The following TNFSF13B variants were observed in gnomAD, a reference collection of about 807,000 sequenced individuals.
The protein encoded by TNFSF13B is tumor necrosis factor ligand superfamily member 13B.
TNFSF13B carries 8 observed loss-of-function variants against 29.1 expected under a neutral mutation model. The ratio of observed to expected loss-of-function variants is 0.27; its 90% CI spans 0.16 to 0.50. TNFSF13B has a LOEUF of 0.50. Among genes scored for constraint, TNFSF13B ranks in the 20% least tolerant of loss-of-function variants. The pLI is 0.98. For missense variants in TNFSF13B, 248 were observed against 334.9 expected (o/e 0.74, Z 2.03); for synonymous variants, 125 against 130.8 (o/e 0.96, Z 0.30).
intron 5 of TNFSF13B, among the ~76,000 whole-genome samples, chr13:108,303,879 G>A (rs1300619569): frequency 1.3e-5 from 2 of 152,030 alleles, no homozygotes; most frequent in Non-Finnish European, 2.9e-5. Flanking sequence ...ATAATACATG[G>A]TACATAGTAC....
intron 3 of TNFSF13B, among the ~76,000 whole-genome samples, chr13:108,300,838 A>G (rs1305609171): frequency 6.6e-6 from 1 of 152,230 alleles, no homozygotes; most frequent in Non-Finnish European, 1.5e-5. Flanking sequence ...CAGGCCGACA[A>G]GAACATGTGC....
In TNFSF13B at chr13:108,303,313, A is replaced by G. The variant is rs1181994085; in HGVS notation, c.542A>G (p.Lys181Arg). ...SFKRGSALEEKENKILVKETG... is the reference protein window; with the variant it reads ...SFKRGSALEERENKILVKETG... Reference sequence around the variant, plus strand: ...AAAAGGGGAAGTGCCCTAGAAGAAAAAGAGAATAAAATATTGGTCAAAGAA... The same window carrying G: ...AAAAGGGGAAGTGCCCTAGAAGAAAGAGAGAATAAAATATTGGTCAAAGAA... Residue 181 changes from lysine (K) to arginine (R), a missense_variant, in exon 4 of 6, where the codon AAA becomes AGA. Physicochemically the swap from Lys to Arg is conservative, Grantham distance 26. This residue lies in a region of TNFSF13B where 62 missense variants were observed against 138.6 expected (regional missense o/e 0.45). Coordinates refer to ENST00000375887, the MANE Select transcript of TNFSF13B (RefSeq NM_006573.5). 1.2e-6 allele frequency: 2 copies of G among 1,613,582 alleles called. No homozygotes were observed. Among genetic ancestry groups the G allele is most frequent in the Non-Finnish European group, 1.7e-6 (2 of 1,179,728 alleles).
intron 3 of TNFSF13B, among the ~76,000 whole-genome samples, chr13:108,298,600 T>C (rs1566407721): frequency 1.4e-5 from 2 of 145,558 alleles, no homozygotes; most frequent in Admixed American, 6.8e-5. Context: ...AATATTATGT[T>C]GGCATTTCTG....
chr13:108,274,172 G>C (rs1409424752), intron 2 of TNFSF13B, among the ~76,000 whole-genome samples: 1 of 152,064 alleles, frequency 6.6e-6, no homozygotes. Flanking sequence ...ACAGTGGGCT[G>C]TTAGTAATTA....
At chr13:108,274,831 C>A (rs972437775) in intron 2 of TNFSF13B, among the ~76,000 whole-genome samples, 2 of 151,922 alleles carry the variant, frequency 1.3e-5, no homozygotes, top group Non-Finnish European at 2.9e-5. Flanking sequence ...TGTTTTAGAA[C>A]CAAGTATTTT....
chr13:108,284,303 T>C (rs931366207), intron 2 of TNFSF13B, among the ~76,000 whole-genome samples: 13 of 152,196 alleles, frequency 8.5e-5, no homozygotes, highest in East Asian at 1.9e-4. Context: ...CACTCCAGCC[T>C]GGGCGACAGA....
intron 3 of TNFSF13B, among the ~76,000 whole-genome samples, chr13:108,295,124 T>G (rs2139062848): frequency 6.9e-6 from 1 of 145,704 alleles, no homozygotes; most frequent in East Asian, 1.9e-4. Flanking sequence ...GCTCAATGAT[T>G]GTCATTTTTG....
At chr13:108,294,988 G>A (rs1383632620) in intron 3 of TNFSF13B, among the ~76,000 whole-genome samples, 2 of 144,446 alleles carry the variant, frequency 1.4e-5, no homozygotes, top group South Asian at 2.1e-4. Context: ...CTAATTTGTT[G>A]GAGTACAATT....
intron 3 of TNFSF13B, among the ~76,000 whole-genome samples, chr13:108,298,890 G>A (rs1350897932): frequency 1.4e-5 from 2 of 145,472 alleles, no homozygotes; most frequent in African/African-American, 5.2e-5. Flanking sequence ...AGAATCACTC[G>A]AACCCCAGAG....
intron 3 of TNFSF13B, among the ~76,000 whole-genome samples, chr13:108,298,490 AG>A (rs1455001559): frequency 2.7e-5 from 4 of 145,682 alleles, no homozygotes; most frequent in Admixed American, 2.7e-4. Context: ...GTAAACTTCA[AG>A]GAGGGTAAAG....
chr13:108,286,130 C>T (rs1881121653), intron 2 of TNFSF13B, among the ~76,000 whole-genome samples: 1 of 152,090 alleles, frequency 6.6e-6, no homozygotes, highest in African/African-American at 2.4e-5. Flanking sequence ...CTCTTTGGTC[C>T]AATATATTTT....
intron 3 of TNFSF13B, among the ~76,000 whole-genome samples, chr13:108,297,542 T>G (rs1478202444): frequency 6.9e-6 from 1 of 145,914 alleles, no homozygotes; most frequent in African/African-American, 2.6e-5. Context: ...TTTTTCAAAT[T>G]TTCTCTCTCT....
chr13:108,270,380 A>G lies in TNFSF13B; in HGVS notation c.380A>G (p.Gln127Arg). 1.2e-6 allele frequency: 2 copies of G among 1,614,156 alleles called. No homozygotes were observed. Among genetic ancestry groups the G allele is most frequent in the Non-Finnish European group, 1.7e-6 (2 of 1,179,984 alleles). Residue 127 changes from glutamine to arginine, a missense_variant, in exon 2 of 6, where the codon CAG (glutamine) becomes CGG (arginine). This residue lies in a region of TNFSF13B where 186 missense variants were observed against 196.3 expected (regional missense o/e 0.95). Transcript: ENST00000375887. ...PPAPGEGNSSQNSRNKRAVQG... is the reference protein window; with the variant it reads ...PPAPGEGNSSRNSRNKRAVQG... ...GCTCCAGGAGAAGGCAACTCCAGTC[A>G]GAACAGCAGAAATAAGCGTGCCGTT...
chr13:108,287,907 G>A (rs1881190519), intron 3 of TNFSF13B, among the ~76,000 whole-genome samples: 1 of 152,120 alleles, frequency 6.6e-6, no homozygotes, highest in East Asian at 1.9e-4. Context: ...TTCCCAATAT[G>A]TGTCACCTAG....
intron 2 of TNFSF13B, among the ~76,000 whole-genome samples, chr13:108,281,144 G>C (rs1348492978): frequency 6.6e-6 from 1 of 152,102 alleles, no homozygotes; most frequent in African/African-American, 2.4e-5. Flanking sequence ...TACTCAGAAG[G>C]CTGGGAGAAT....
intron 3 of TNFSF13B, among the ~76,000 whole-genome samples, chr13:108,301,824 CAT>C (rs1189627733): frequency 1.3e-5 from 2 of 152,118 alleles, no homozygotes; most frequent in African/African-American, 2.4e-5. Flanking sequence ...TACGAGGTAA[CAT>C]ATATTTTAAT....
At position 108,308,237 on chromosome 13, in the gene TNFSF13B, C is replaced by T. The variant is rs766095734; in HGVS notation, c.*1299C>T. ...TCAAGGATATACTTTTCAAAACAAACGATTTAAATTTTATGTTTAAAATAT... is the reference window on the plus strand; with the variant it reads ...TCAAGGATATACTTTTCAAAACAAATGATTTAAATTTTATGTTTAAAATAT... On this transcript the variant is annotated 3_prime_UTR_variant, in exon 6 of 6. Coordinates refer to ENST00000375887, the MANE Select transcript of TNFSF13B (RefSeq NM_006573.5). The T allele has an allele frequency of 7.9e-5, 12 of 152,104 alleles. No individual in the cohort carries two copies. Among genetic ancestry groups the T allele is most frequent in the East Asian group, 3.9e-4 (2 of 5,182 alleles). The allele number at this position is 152,104 out of a possible 1,614,324, so 9.4% of individuals were successfully genotyped here. A position where few individuals can be genotyped will look rare whatever the true frequency, so the allele number is the denominator to read the frequency against.
chr13:108,295,440 G>A lies in TNFSF13B; in HGVS notation c.482-7813G>A, dbSNP rs1237722873. 3.4e-5 allele frequency among the ~76,000 whole-genome samples: 5 copies of A among 144,936 alleles called. 1 individual carries two copies. The highest frequency in any genetic ancestry group is 2.0e-4 in the Admixed American group (3 of 14,668). On this transcript the variant is annotated intron_variant, in intron 3 of 5. Transcript: ENST00000375887. ...ACTCCTTACCTCAAATGATTCACCC[G>A]CCTTGGCCTCTCAAAATGCTGGGAT... is the stretch of plus-strand genomic sequence containing the variant.
At chr13:108,294,163 A>G (rs532029731) in intron 3 of TNFSF13B, among the ~76,000 whole-genome samples, 1 of 150,098 alleles carries the variant, frequency 6.7e-6, no homozygotes, top group South Asian at 2.1e-4. Context: ...GTTTTAGTAG[A>G]TTTTTTTGTA....
Sources: gnomAD v4.1 joint callset for allele counts (sites outside exome capture counted in the v4.1 genomes callset) on GRCh38, gnomAD v4.1.1 for gene constraint, gnomAD v4.1.1 regional missense constraint, MANE v1.5 for transcripts, NCBI Gene and HGNC (gene_info 2026-07-23, HGNC 2026-07-21) for gene names.